Variants in METTL27 observed in about 807,000 individuals in gnomAD.
The protein encoded by METTL27 is methyltransferase-like protein 27.
In METTL27, 29 loss-of-function variants were observed where a neutral mutation model predicts 24.5. The ratio of observed to expected loss-of-function variants is 1.18; its 90% CI spans 0.88 to 1.61. The LOEUF (loss-of-function observed/expected upper bound fraction) is 1.61, where lower values mean the gene tolerates loss of function less well. Ranked by LOEUF, METTL27 falls within the 40% of genes most tolerant of loss-of-function variation. The pLI, the probability that METTL27 is intolerant of heterozygous loss-of-function variation, is 0.00. For synonymous variants in METTL27, 138 were observed against 146.8 expected (o/e 0.94, Z 0.43); for missense variants, 341 against 324.3 (o/e 1.05, Z -0.40).
intron 5 of METTL27, chr7:73,839,687 A>T: frequency 4.1e-6 from 1 of 242,154 alleles, no homozygotes. Context: ...CAAAGCAAAA[A>T]CCTTAGAGAC....
Position 73,842,493 on chromosome 7 carries a change from C to T in METTL27, c.-8G>A, listed in dbSNP as rs1554636691. ...GGAGGCCGGAGTCAGAACTCACCGC[C>T]AATCCAGCGCGCCTCGGGCGTGTGG... On this transcript the variant is annotated 5_prime_UTR_variant, in exon 1 of 6. Transcript: ENST00000297873. The T allele has an allele frequency of 1.2e-5, 3 of 256,704 alleles. No homozygotes were observed. The highest frequency in any genetic ancestry group is 1.9e-4 in the East Asian group (2 of 10,386). 15.9% of individuals were successfully genotyped at this position (256,704 alleles called of 1,614,324 possible). A position where few individuals can be genotyped will look rare whatever the true frequency, so the allele number is the denominator to read the frequency against.
chr7:73,836,092 G>GC (rs1385605751), intron 5 of METTL27, among the ~76,000 whole-genome samples: 13 of 151,492 alleles, frequency 8.6e-5, no homozygotes, highest in Non-Finnish European at 1.9e-4. Context: ...GGGGGGGTCA[G>GC]CCCCCCGCCC....
Position 73,840,407 on chromosome 7 carries a change from A to G in METTL27, c.388+7T>C, listed in dbSNP as rs1554636121. On this transcript the variant is annotated splice_region_variant and intron_variant, in intron 4 of 5. Transcript: ENST00000297873. ...GCCTCGGGGTGTGGAGGTGGGAGAG[A>G]AAGTACCTTCCGGGCTGGGCAGAGG... The G allele has an allele frequency of 1.3e-6, 2 of 1,567,680 alleles. No individual in the cohort carries two copies. Among genetic ancestry groups the G allele is most frequent in the Non-Finnish European group, 1.7e-6 (2 of 1,156,634 alleles).
chr7:73,841,910 G>T, intron 2 of METTL27, 108 bp downstream of exon 2: 3 of 1,561,592 alleles, frequency 1.9e-6, no homozygotes, highest in African/African-American at 2.7e-5. Flanking sequence ...TCTTAGCCAG[G>T]CCTCACTTCG....
At chr7:73,840,604 G>A (rs1788326585) in intron 3 of METTL27, 55 bp from the exon 4 acceptor site, 3 of 1,525,942 alleles carry the variant, frequency 2.0e-6, no homozygotes. Flanking sequence ...TTCCCGGCTG[G>A]GTCCCTGCAC....
intron 4 of METTL27, 102 bp from the exon 5 acceptor site, chr7:73,840,222 A>G (rs1788312244): frequency 6.8e-7 from 1 of 1,461,598 alleles, no homozygotes; most frequent in African/African-American, 1.4e-5. Flanking sequence ...CGAGGCTACT[A>G]CCCGCATCTG....
At chr7:73,838,513 A>C (rs1584338481) in intron 5 of METTL27, among the ~76,000 whole-genome samples, 1 of 152,112 alleles carries the variant, frequency 6.6e-6, no homozygotes, top group African/African-American at 2.4e-5. Context: ...TGGTCTGGGA[A>C]GGTTTCCTGG....
intron 5 of METTL27, chr7:73,839,647 CA>C (rs1418305844): frequency 5.2e-6 from 1 of 193,356 alleles, no homozygotes; most frequent in African/African-American, 2.3e-5. Context: ...GAGGAAGGAA[CA>C]GAACTGAGCC....
rs782742832 is a variant in METTL27 at position 73,841,103 on chromosome 7, G to C, written c.219C>G (p.Asp73Glu). 3.3e-6 allele frequency: 5 copies of C among 1,520,714 alleles called. No homozygotes were observed. The Admixed American group carries it at 1.3e-4, about 39-fold the overall frequency. The allele number at this position is 1,520,714 out of a possible 1,614,324, so 94.2% of individuals were successfully genotyped here. A position where few individuals can be genotyped will look rare whatever the true frequency, so the allele number is the denominator to read the frequency against. The change falls in exon 3 of 6, where the codon GAC (aspartate) becomes GAG (glutamate). Residue 73 changes from aspartate to glutamate, a missense_variant. Transcript: ENST00000297873. ...CCACTAGGCCTGTGCCACAGGCCAC[G>C]TCCAGGATCAGGGCACTGTGGGGCG... Reference protein sequence around the residue: ...PGPPHSALILDVACGTGLVAA... With the variant: ...PGPPHSALILEVACGTGLVAA...
chr7:73,840,141 G>A (rs1450014690), intron 4 of METTL27, 21 bp from the exon 5 acceptor site: 6 of 1,412,236 alleles, frequency 4.2e-6, no homozygotes, highest in Admixed American at 3.6e-5. Context: ...GTGGGGGGGG[G>A]TGGGGACATG....
At chr7:73,836,033 G>T (rs1444664332) in intron 5 of METTL27, among the ~76,000 whole-genome samples, 142 of 147,254 alleles carry the variant, frequency 9.6e-4, no homozygotes, top group Middle Eastern at 3.5e-3. Context: ...CCCCGTCTGG[G>T]AAGTGAGGAG....
Position 73,842,136 on chromosome 7 carries a change from G to T in METTL27, c.5C>A (p.Ala2Asp), listed in dbSNP as rs1268701987. 1.2e-6 allele frequency: 2 copies of T among 1,610,078 alleles called. No homozygotes were observed. Among genetic ancestry groups the T allele is most frequent in the East Asian group, 2.2e-5 (1 of 44,828 alleles). M[A>D]QEEGGSLPEV... ...GGGCAGGCTCCCACCCTCCTCCTGG[G>T]CCATGCTCCTGTGGGGACACCGTTG... The change falls in exon 2 of 6, where the codon GCC (alanine) becomes GAC (aspartate). Residue 2 changes from alanine (A) to aspartate (D), a missense_variant. Physicochemically the swap from Ala to Asp is moderately radical, Grantham distance 126. Transcript: ENST00000297873.
At chr7:73,835,732 G>A (rs1379268941) in intron 5 of METTL27, among the ~76,000 whole-genome samples, 3 of 97,580 alleles carry the variant, frequency 3.1e-5, no homozygotes, top group East Asian at 2.9e-4. Context: ...AGTGAGGAGC[G>A]TCTCCGCCCG....
rs782770802 is a variant in METTL27 at position 73,834,972 on chromosome 7, T to C, written c.509A>G (p.Asn170Ser). Residue 170 changes from asparagine (N) to serine (S), a missense_variant, in exon 6 of 6, where the codon AAC (asparagine) becomes AGC (serine). Transcript: ENST00000297873. ...GGLVCLTTRT[N>S]SSNLQYKEAL... ...CTCCTTGTATTGAAGGTTGGACGAG[T>C]TGGTCCTGGTGGTCAGACACACCAG... 5 of 1,612,790 alleles carry C rather than the reference T, an allele frequency of 3.1e-6. No individual in the cohort carries two copies. In the East Asian group the frequency reaches 6.7e-5, roughly 22 times the overall value.
At chr7:73,838,913 G>A (rs10282443) in intron 5 of METTL27, among the ~76,000 whole-genome samples, 98,664 of 151,910 alleles carry the variant, frequency 0.65, 32,793 homozygotes, top group Non-Finnish European at 0.74. Context: ...CTCATGCTCA[G>A]CCCCTCTCCT....
chr7:73,840,545 C>T lies in METTL27; in HGVS notation c.257G>A (p.Arg86Gln), dbSNP rs781812386. 68 of 1,590,480 alleles carry T rather than the reference C, an allele frequency of 4.3e-5. No homozygotes were observed. Among genetic ancestry groups the T allele is most frequent in the Admixed American group, 5.3e-5 (3 of 56,732 alleles). Residue 86 changes from arginine to glutamine, a missense_variant, in exon 4 of 6, where the codon CGG (arginine) becomes CAG (glutamine). Coordinates refer to ENST00000297873, the MANE Select transcript of METTL27 (RefSeq NM_152559.3). ...CGTGLVAAELRAPGFLQLHGV... is the reference protein window; with the variant it reads ...CGTGLVAAELQAPGFLQLHGV... Reference sequence around the variant, plus strand: ...ATGCAGCTGGAGGAAGCCTGGAGCCCGCAGCTGGGGTAGGGGTGGGAGACT... The same window carrying T: ...ATGCAGCTGGAGGAAGCCTGGAGCCTGCAGCTGGGGTAGGGGTGGGAGACT...
At chr7:73,841,975 A>G in intron 2 of METTL27, 43 bp downstream of exon 2, 1 of 1,613,398 alleles carries the variant, frequency 6.2e-7, no homozygotes. Flanking sequence ...AGGTAGAAAA[A>G]TGGAGGCTGG....
In METTL27 at chr7:73,841,980, G is replaced by A. The variant is rs782169941; in HGVS notation, c.123+38C>T. ...CCCACTTTACAGGTAGAAAAATGGA[G>A]GCTGGTCTAGTGGAGGCAAGGCCCC... On this transcript the variant is annotated intron_variant, in intron 2 of 5. Coordinates refer to ENST00000297873, the MANE Select transcript of METTL27 (RefSeq NM_152559.3). The A allele has an allele frequency of 3.7e-6, 6 of 1,613,660 alleles. No individual in the cohort carries two copies. The South Asian group carries it at 4.4e-5, about 12-fold the overall frequency.
intron 3 of METTL27, among the ~76,000 whole-genome samples, 180 bp downstream of exon 3, chr7:73,840,890 G>T (rs1288530581): frequency 1.3e-5 from 2 of 152,160 alleles, no homozygotes; most frequent in Non-Finnish European, 2.9e-5. Context: ...CAAACTCCTG[G>T]CCCCAAGCTG....
Sources: allele counts gnomAD v4.1 joint callset (sites outside exome capture counted in the v4.1 genomes callset), GRCh38; gene constraint gnomAD v4.1.1; transcripts MANE v1.5; gene names NCBI Gene and HGNC (gene_info 2026-07-23, HGNC 2026-07-21).